Variants in CATSPERD observed in about 807,000 individuals in gnomAD.
The protein encoded by CATSPERD is cation channel sperm-associated auxiliary subunit delta.
Under a neutral mutation model 98.1 loss-of-function variants are expected in CATSPERD, and 86 were observed. The ratio of observed to expected loss-of-function variants is 0.88; its 90% CI spans 0.74 to 1.05. The LOEUF (loss-of-function observed/expected upper bound fraction) is 1.05. Among genes scored for constraint, CATSPERD ranks in the 50% least tolerant of loss-of-function variants. CATSPERD has a pLI of 0.00. For missense variants in CATSPERD, 995 were observed against 1,005.7 expected, an observed-to-expected ratio of 0.99 and a Z score of 0.14; for synonymous variants, 394 against 390.2, an observed-to-expected ratio of 1.01 and a Z score of -0.12.
intron 13 of CATSPERD, among the ~76,000 whole-genome samples, chr19:5,754,716 C>T (rs2485270): frequency 0.052 from 7,900 of 151,624 alleles, 294 homozygotes; most frequent in Non-Finnish European, 0.079. Context: ...GTGTCTTCCC[C>T]CTCGACGTGC....
intron 17 of CATSPERD, among the ~76,000 whole-genome samples, chr19:5,767,231 G>A (rs2056555326): frequency 6.8e-6 from 1 of 146,974 alleles, no homozygotes; most frequent in African/African-American, 2.5e-5. Context: ...GCAGGAGAAT[G>A]GCGTGAACCC....
chr19:5,776,702 C>T (rs372224912), intron 21 of CATSPERD, among the ~76,000 whole-genome samples: 4 of 152,000 alleles, frequency 2.6e-5, no homozygotes, highest in Non-Finnish European at 5.9e-5. Flanking sequence ...GGTGAAACCC[C>T]GTCTCTACTG....
chr19:5,731,249 G>A (rs1262735455), intron 4 of CATSPERD, among the ~76,000 whole-genome samples: 1 of 152,102 alleles, frequency 6.6e-6, no homozygotes, highest in African/African-American at 2.4e-5. Context: ...AGAGGCTGAG[G>A]TGGGCAGATT....
At chr19:5,728,704 TC>T (rs746836540) in intron 3 of CATSPERD, among the ~76,000 whole-genome samples, 64 of 115,558 alleles carry the variant, frequency 5.5e-4, no homozygotes, top group African/African-American at 2.0e-3. Context: ...TCTCTCTCTC[TC>T]TTTTTTTTTT....
intron 12 of CATSPERD, chr19:5,753,831 C>T (rs2056271557): frequency 3.1e-6 from 1 of 324,056 alleles, no homozygotes; most frequent in South Asian, 3.7e-5. Context: ...CATGATCAAA[C>T]CACTGCACTC....
chr19:5,759,152 G>C lies in CATSPERD; in HGVS notation c.1427+8G>C. Reference sequence around the variant, plus strand: ...CTCCAACTTCACTTCCAGGTATGTTGTCTCCTGGGAGAGGCGGGGACTGGG... The same window carrying C: ...CTCCAACTTCACTTCCAGGTATGTTCTCTCCTGGGAGAGGCGGGGACTGGG... On this transcript the variant is annotated splice_region_variant and intron_variant, in intron 15 of 21. Coordinates refer to ENST00000381624, the MANE Select transcript of CATSPERD (RefSeq NM_152784.4). 1 of 1,613,586 alleles carries C rather than the reference G, an allele frequency of 6.2e-7. No individual in the cohort carries two copies.
At chr19:5,769,350 CT>C (rs2145854876) in intron 18 of CATSPERD, among the ~76,000 whole-genome samples, 1 of 150,662 alleles carries the variant, frequency 6.6e-6, no homozygotes, top group African/African-American at 2.4e-5. Flanking sequence ...GTGCCAGGCT[CT>C]TAAACAAGCA....
Position 5,724,745 on chromosome 19 carries a change from G to C in CATSPERD, c.72-63G>C, listed in dbSNP as rs73920050. On this transcript the variant is annotated intron_variant, in intron 1 of 21. Coordinates refer to ENST00000381624, the MANE Select transcript of CATSPERD (RefSeq NM_152784.4). ...TTAGGGTTAACCCTGAGTTGGCTGA[G>C]TAGGAGGATTCATGCTGAATATTCA... 9.2e-6 allele frequency: 14 copies of C among 1,519,162 alleles called. No homozygotes were observed. In the Admixed American group the frequency reaches 2.3e-4, roughly 25 times the overall value. 94.1% of individuals were successfully genotyped at this position (1,519,162 alleles called of 1,614,324 possible).
intron 7 of CATSPERD, 36 bp downstream of exon 7, chr19:5,739,475 C>A (rs2055914049): frequency 2.6e-6 from 3 of 1,156,046 alleles, no homozygotes; most frequent in African/African-American, 1.6e-5. Context: ...AAAATAAATA[C>A]ATATGTACCT....
chr19:5,758,515 G>T (rs1464358105), intron 14 of CATSPERD, among the ~76,000 whole-genome samples: 1 of 150,856 alleles, frequency 6.6e-6, no homozygotes, highest in Non-Finnish European at 1.5e-5. Context: ...ATCACTTGAG[G>T]TCAGGAGTTT....
At chr19:5,772,656 G>T (rs956473654) in intron 19 of CATSPERD, 132 bp from the exon 20 acceptor site, 18 of 847,866 alleles carry the variant, frequency 2.1e-5, no homozygotes, top group African/African-American at 2.0e-4. Flanking sequence ...GGGAGCGGCA[G>T]GCGTCCTTTG....
At chr19:5,726,602 G>A (rs892899416) in intron 2 of CATSPERD, among the ~76,000 whole-genome samples, 7 of 150,114 alleles carry the variant, frequency 4.7e-5, no homozygotes, top group African/African-American at 1.5e-4. Flanking sequence ...GGCTGGTCTC[G>A]AACTCCTGGC....
rs184424082 is a variant in CATSPERD at position 5,740,903 on chromosome 19, G to A, written c.573+1464G>A. Reference sequence around the variant, plus strand: ...AGTTAAATACCAGCCTGGGCAATACGGGGAAACCCTGTCTCTACCAAAAAT... The same window carrying A: ...AGTTAAATACCAGCCTGGGCAATACAGGGAAACCCTGTCTCTACCAAAAAT... On this transcript the variant is annotated intron_variant, in intron 7 of 21. Transcript: ENST00000381624. Among the ~76,000 whole-genome samples, 78 of 151,796 alleles carry A rather than the reference G, an allele frequency of 5.1e-4. No homozygotes were observed. In the East Asian group the frequency reaches 6.8e-3, roughly 13 times the overall value.
chr19:5,757,724 A>G, intron 13 of CATSPERD, 119 bp from the exon 14 acceptor site: 1 of 650,718 alleles, frequency 1.5e-6, no homozygotes, highest in Non-Finnish European at 2.6e-6. Flanking sequence ...TACAGATATG[A>G]GCCACTACAC....
Position 5,776,228 on chromosome 19 carries a change from T to C in CATSPERD, c.2009T>C (p.Ile670Thr). The C allele has an allele frequency of 6.2e-7, 1 of 1,614,138 alleles. No individual in the cohort carries two copies. Among genetic ancestry groups the C allele is most frequent in the Non-Finnish European group, 8.5e-7 (1 of 1,180,010 alleles). ...AGGTGGCCAGACGTCCAGTATCAGATCTTGGGCGGCCGGACAGCAAACCAG... is the reference window on the plus strand; with the variant it reads ...AGGTGGCCAGACGTCCAGTATCAGACCTTGGGCGGCCGGACAGCAAACCAG... ...PLRWPDVQYQ[I>T]LGGRTANQII... The change falls in exon 21 of 22, where the codon ATC becomes ACC. Residue 670 changes from isoleucine (I) to threonine (T), a missense_variant. Ile to Thr is a moderately conservative substitution (Grantham distance 89). Transcript: ENST00000381624.
chr19:5,759,167 C>G (rs373866012), intron 15 of CATSPERD, 23 bp downstream of exon 15: 1 of 1,610,904 alleles, frequency 6.2e-7, no homozygotes, highest in Non-Finnish European at 8.5e-7. Context: ...CTGGGAGAGG[C>G]GGGGACTGGG....
intron 11 of CATSPERD, among the ~76,000 whole-genome samples, chr19:5,749,556 AAAC>A (rs940098926): frequency 3.3e-5 from 5 of 152,100 alleles, no homozygotes; most frequent in Admixed American, 6.6e-5. Context: ...CTAGTTAGTA[AAAC>A]AACAACAACA....
chr19:5,735,995 T>C (rs1377052881), intron 5 of CATSPERD, among the ~76,000 whole-genome samples: 1 of 151,628 alleles, frequency 6.6e-6, no homozygotes, highest in Admixed American at 6.6e-5. Context: ...TTAGCCAGGA[T>C]GGTCTTGATC....
In CATSPERD at chr19:5,773,315, G is replaced by T. The variant is rs570543554; in HGVS notation, c.1941+350G>T. Among the ~76,000 whole-genome samples the T allele has an allele frequency of 2.6e-4, 40 of 152,292 alleles. 1 individual carries two copies. The South Asian group carries it at 8.1e-3, about 31-fold the overall frequency. On this transcript the variant is annotated intron_variant, in intron 20 of 21. Transcript: ENST00000381624. ...GATCACGACTGCAAAAGACTCGAAG[G>T]TCCTTTAGGGGATCTAGCAGGAACC...
Sources: allele counts gnomAD v4.1 joint callset (sites outside exome capture counted in the v4.1 genomes callset), GRCh38; gene constraint gnomAD v4.1.1; transcripts MANE v1.5; gene names NCBI Gene and HGNC (gene_info 2026-07-23, HGNC 2026-07-21).